The following VASN variants were observed in gnomAD, a reference collection of about 807,000 sequenced individuals.
VASN encodes the protein protein slit-like 2.
A neutral mutation model predicts 4.8 loss-of-function variants in VASN; 5 were observed. The observed-to-expected ratio is 1.03, with a 90% CI of 0.54 to 2.17. VASN has a LOEUF of 2.17. Among genes scored for constraint, VASN ranks in the 30% most tolerant of loss-of-function variants. VASN has a pLI of 0.01. For synonymous variants in VASN, 499 were observed against 460.8 expected, an observed-to-expected ratio of 1.08 and a Z score of -1.06; for missense variants, 927 against 948.8, an observed-to-expected ratio of 0.98 and a Z score of 0.30.
In VASN at chr16:4,382,328, T is replaced by C. The variant is rs1281377048; in HGVS notation, c.1451T>C (p.Leu484Pro). The C allele has an allele frequency of 1.2e-6, 2 of 1,611,266 alleles. No homozygotes were observed. Among genetic ancestry groups the C allele is most frequent in the Admixed American group, 1.7e-5 (1 of 59,922 alleles). The change falls in exon 2 of 2, where the codon CTC becomes CCC. Residue 484 changes from leucine (L) to proline (P), a missense_variant. By Grantham distance (98) the Leu-to-Pro change is moderately conservative. Coordinates refer to ENST00000304735, the MANE Select transcript of VASN (RefSeq NM_138440.3). ...TSLRVGLQRY[L>P]QGSSVQLRSL... ...CTGCGCGTGGGGCTGCAGCGCTACC[T>C]CCAGGGGAGCTCCGTGCAGCTCAGG...
At position 4,382,128 on chromosome 16, in the gene VASN, G is replaced by A. The variant is rs778176646; in HGVS notation, c.1251G>A (p.Gly417=). 2 of 1,589,482 alleles carry A rather than the reference G, an allele frequency of 1.3e-6. No homozygotes were observed. The highest frequency in any genetic ancestry group is 1.7e-5 in the Admixed American group (1 of 57,792). Residue 417 remains glycine (G), a synonymous_variant, in exon 2 of 2, where the codon GGG becomes GGA. Coordinates refer to ENST00000304735, the MANE Select transcript of VASN (RefSeq NM_138440.3). ...GCCCACCGTCCACCTGCCTCAATGG[G>A]GGCACATGCCACCTGGGGACACGGC... ...QDCPPSTCLN[G]GTCHLGTRHH...
chr16:4,379,293 G>A (rs1420704837), intron 1 of VASN, among the ~76,000 whole-genome samples: 1 of 152,114 alleles, frequency 6.6e-6, no homozygotes, highest in African/African-American at 2.4e-5. Context: ...CCCGTATGAG[G>A]CTCAGGGACT....
At chr16:4,375,698 C>T (rs1308449981) in intron 1 of VASN, among the ~76,000 whole-genome samples, 1 of 152,206 alleles carries the variant, frequency 6.6e-6, no homozygotes, top group Non-Finnish European at 1.5e-5. Flanking sequence ...CCATGTTAGC[C>T]AGGATGGTCT....
Position 4,381,670 on chromosome 16 carries a change from G to A in VASN, c.793G>A (p.Ala265Thr), listed in dbSNP as rs762921684. The change falls in exon 2 of 2, where the codon GCC (alanine) becomes ACC (threonine). Residue 265 changes from alanine (A) to threonine (T), a missense_variant. Coordinates refer to ENST00000304735, the MANE Select transcript of VASN (RefSeq NM_138440.3). The part of the protein sequence containing the change: ...LRPEDLAGLA[A>T]LQELDVSNLS... ...GCCCGAGGACCTGGCCGGCCTGGCTGCCCTGCAGGAGCTGGATGTGAGCAA... is the reference window on the plus strand; with the variant it reads ...GCCCGAGGACCTGGCCGGCCTGGCTACCCTGCAGGAGCTGGATGTGAGCAA... 1 of 1,605,666 alleles carries A rather than the reference G, an allele frequency of 6.2e-7. No individual in the cohort carries two copies. The highest frequency in any genetic ancestry group is 2.2e-5 in the East Asian group (1 of 44,696).
At chr16:4,372,192 G>A (rs2054559872) in intron 1 of VASN, among the ~76,000 whole-genome samples, 199 bp downstream of exon 1, 1 of 152,214 alleles carries the variant, frequency 6.6e-6, no homozygotes, top group African/African-American at 2.4e-5. Context: ...GGCGCCGACA[G>A]CCCCGCGGCC....
Position 4,381,986 on chromosome 16 carries a change from CCTTGT to C in VASN, c.1113_1117del (p.Leu371PhefsTer2), listed in dbSNP as rs1364744251. On this transcript the variant is annotated frameshift_variant, in exon 2 of 2. Coordinates refer to ENST00000304735, the MANE Select transcript of VASN (RefSeq NM_138440.3). LOFTEE classifies it low-confidence loss of function (END_TRUNC). The stretch of plus-strand genomic sequence containing the variant: ...AGGCCCGTGGTGCGGGAGCCCACAG[CCTTGT>C]CTTCTAGCTTGGCTCCTACCTGGCT... 6.2e-7 allele frequency: 1 copy of C among 1,607,600 alleles called. No individual in the cohort carries two copies. Among genetic ancestry groups the C allele is most frequent in the South Asian group, 1.1e-5 (1 of 90,514 alleles).
intron 1 of VASN, among the ~76,000 whole-genome samples, chr16:4,374,699 G>C (rs1439053680): frequency 6.6e-6 from 1 of 152,190 alleles, no homozygotes. Flanking sequence ...CCATTGATCA[G>C]CTCACAGACC....
chr16:4,381,900 G>A lies in VASN; in HGVS notation c.1023G>A (p.Glu341=), dbSNP rs1195363685. ...PPKNAGRLLL[E]LDYADFGCPA... ...AGAACGCTGGCCGGCTGCTCCTGGAGCTTGACTACGCCGACTTTGGCTGCC... is the reference window on the plus strand; with the variant it reads ...AGAACGCTGGCCGGCTGCTCCTGGAACTTGACTACGCCGACTTTGGCTGCC... The change falls in exon 2 of 2, where the codon GAG becomes GAA. Residue 341 remains glutamate (E), a synonymous_variant. Coordinates refer to ENST00000304735, the MANE Select transcript of VASN (RefSeq NM_138440.3). 6.2e-7 allele frequency: 1 copy of A among 1,605,756 alleles called. No homozygotes were observed. The highest frequency in any genetic ancestry group is 2.2e-5 in the East Asian group (1 of 44,794).
chr16:4,381,793 C>T lies in VASN; in HGVS notation c.916C>T (p.Leu306=). ...CAACCCCTTCAACTGCGTGTGCCCC[C>T]TGAGCTGGTTTGGCCCCTGGGTGCG... is the stretch of plus-strand genomic sequence containing the variant. ...ARNPFNCVCP[L]SWFGPWVRES... is the part of the protein sequence containing the mutation. The change falls in exon 2 of 2, where the codon CTG becomes TTG. Residue 306 remains leucine, a synonymous_variant. Transcript: ENST00000304735. 4.4e-6 allele frequency: 7 copies of T among 1,600,580 alleles called. No individual in the cohort carries two copies. Among genetic ancestry groups the T allele is most frequent in the Non-Finnish European group, 5.9e-6 (7 of 1,179,350 alleles).
chr16:4,376,056 G>C (rs377477870), intron 1 of VASN, among the ~76,000 whole-genome samples: 49 of 152,310 alleles, frequency 3.2e-4, no homozygotes, highest in African/African-American at 1.1e-3. Flanking sequence ...CACCCATGGG[G>C]ACCCCCGCTC....
Position 4,380,893 on chromosome 16 carries a change from C to A in VASN, c.16C>A (p.Pro6Thr), listed in dbSNP as rs946123024. 1.3e-6 allele frequency: 2 copies of A among 1,545,278 alleles called. No individual in the cohort carries two copies. Among genetic ancestry groups the A allele is most frequent in the Admixed American group, 3.9e-5 (2 of 51,898 alleles). MCSRV[P>T]LLLPLLLLLA... Reference sequence around the variant, plus strand: ...GGGACAGAAGATGTGCTCCAGGGTCCCTCTGCTGCTGCCGCTGCTCCTGCT... The same window carrying A: ...GGGACAGAAGATGTGCTCCAGGGTCACTCTGCTGCTGCCGCTGCTCCTGCT... Residue 6 changes from proline (P) to threonine (T), a missense_variant, in exon 2 of 2, where the codon CCT becomes ACT. Pro to Thr is a conservative substitution (Grantham distance 38). Coordinates refer to ENST00000304735, the MANE Select transcript of VASN (RefSeq NM_138440.3).
chr16:4,378,967 C>T (rs560327221), intron 1 of VASN, among the ~76,000 whole-genome samples: 8 of 152,182 alleles, frequency 5.3e-5, no homozygotes, highest in South Asian at 4.1e-4. Context: ...GGCCCAACCC[C>T]GGGGACAAGG....
In VASN at chr16:4,382,382, C is replaced by A; in HGVS notation, c.1505C>A (p.Ser502Ter). 6.2e-7 allele frequency: 1 copy of A among 1,612,282 alleles called. No homozygotes were observed. The highest frequency in any genetic ancestry group is 8.5e-7 in the Non-Finnish European group (1 of 1,179,794). ...CTCCGTCTCACCTATCGCAACCTAT[C>A]GGGCCCTGATAAGCGGCTGGTGACG... is the stretch of plus-strand genomic sequence containing the variant. ...RSLRLTYRNL[S>*]GPDKRLVTLR... The change falls in exon 2 of 2, where the codon TCG (serine) becomes TAG (stop). Residue 502 changes from serine to a stop codon, truncating the protein, a stop_gained. Transcript: ENST00000304735. LOFTEE classifies it high-confidence loss of function.
At chr16:4,373,259 C>T (rs2054597244) in intron 1 of VASN, among the ~76,000 whole-genome samples, 1 of 152,078 alleles carries the variant, frequency 6.6e-6, no homozygotes, top group African/African-American at 2.4e-5. Flanking sequence ...AGCAGCCCAG[C>T]TGGATCCCCT....
intron 1 of VASN, among the ~76,000 whole-genome samples, chr16:4,377,479 C>T (rs1490363873): frequency 1.3e-5 from 2 of 152,154 alleles, no homozygotes; most frequent in African/African-American, 4.8e-5. Context: ...AAAAGAACTT[C>T]CCCATTTGAA....
chr16:4,380,401 C>T (rs1336160069), intron 1 of VASN, among the ~76,000 whole-genome samples: 2 of 152,262 alleles, frequency 1.3e-5, no homozygotes, highest in South Asian at 2.1e-4. Context: ...GGGCGGGACA[C>T]GGAGCGTGGC....
At position 4,381,386 on chromosome 16, in the gene VASN, G is replaced by T; in HGVS notation, c.509G>T (p.Arg170Leu). The T allele has an allele frequency of 6.3e-7, 1 of 1,587,934 alleles. No individual in the cohort carries two copies. The highest frequency in any genetic ancestry group is 8.6e-7 in the Non-Finnish European group (1 of 1,169,464). The change falls in exon 2 of 2, where the codon CGC becomes CTC. Residue 170 changes from arginine (R) to leucine (L), a missense_variant. Arg to Leu is a moderately radical substitution (Grantham distance 102, BLOSUM62 -2). Coordinates refer to ENST00000304735, the MANE Select transcript of VASN (RefSeq NM_138440.3). ...LRALPPLRLP[R>L]LLLLDLSHNS... ...GCACTGCCCCCGCTGCGCCTGCCCC[G>T]CCTGCTGCTGCTGGACCTCAGCCAC...
intron 1 of VASN, among the ~76,000 whole-genome samples, chr16:4,379,265 C>T (rs2054866423): frequency 6.6e-6 from 1 of 152,068 alleles, no homozygotes; most frequent in African/African-American, 2.4e-5. Context: ...AGGATGCTTC[C>T]TGGGGATGGG....
rs374250185 is a variant in VASN, at chr16:4,382,446, C to G, written c.1569C>G (p.Thr523=). Residue 523 remains threonine (T), a synonymous_variant, in exon 2 of 2, where the codon ACC becomes ACG. Transcript: ENST00000304735. ...LPASLAEYTV[T]QLRPNATYSV... ...CCTCGCTCGCTGAGTACACGGTCAC[C>G]CAGCTGCGGCCCAACGCCACTTACT... The G allele has an allele frequency of 1.6e-5, 25 of 1,609,494 alleles. No homozygotes were observed. Among genetic ancestry groups the G allele is most frequent in the African/African-American group, 4.0e-5 (3 of 74,892 alleles).
Sources: allele counts gnomAD v4.1 joint callset (sites outside exome capture counted in the v4.1 genomes callset), GRCh38; gene constraint gnomAD v4.1.1; transcripts MANE v1.5; gene names NCBI Gene and HGNC (gene_info 2026-07-23, HGNC 2026-07-21).